The following ANO6 variants were observed in gnomAD, a reference collection of about 807,000 sequenced individuals.
ANO6 encodes anoctamin 6.
ANO6 carries 106 observed loss-of-function variants against 117.5 expected under a neutral mutation model. The observed-to-expected ratio is 0.90, with a 90% CI of 0.77 to 1.06. The LOEUF (loss-of-function observed/expected upper bound fraction) is 1.06. ANO6 is among the 50% of genes least tolerant of loss of function. The probability of loss-of-function intolerance (pLI) is 0.00; values close to 1 mark genes in which losing one functional copy is unlikely to be tolerated. For synonymous variants in ANO6, 367 were observed against 385.1 expected (o/e 0.95, Z 0.55); for missense variants, 955 against 1,121.1 (o/e 0.85, Z 2.12).
rs1941693315 is a variant in ANO6 at position 45,366,648 on chromosome 12, T to C, written c.999-1040T>C. The stretch of plus-strand genomic sequence containing the variant: ...TTTGTCTTCAGAAGTATTTTGACTG[T>C]TCTGAGCCTTTGCTTTTCCACTGAA... On this transcript the variant is annotated intron_variant, in intron 8 of 19. Transcript: ENST00000320560. 2.0e-5 allele frequency among the ~76,000 whole-genome samples: 3 copies of C among 152,338 alleles called. No individual in the cohort carries two copies. In the South Asian group the frequency reaches 6.2e-4, roughly 32 times the overall value.
At chr12:45,366,885 T>G (rs1025984390) in intron 8 of ANO6, among the ~76,000 whole-genome samples, 5 of 152,230 alleles carry the variant, frequency 3.3e-5, no homozygotes, top group Non-Finnish European at 7.3e-5. Flanking sequence ...TCCTAATGAT[T>G]ACAGGTGTAT....
At chr12:45,425,805 CAAG>C (rs1479556145) in intron 19 of ANO6, among the ~76,000 whole-genome samples, 1 of 152,110 alleles carries the variant, frequency 6.6e-6, no homozygotes, top group African/African-American at 2.4e-5. Context: ...TAAAATCAGA[CAAG>C]AAGAGAGAAA....
At chr12:45,336,273 A>T (rs937681156) in intron 3 of ANO6, among the ~76,000 whole-genome samples, 1 of 151,998 alleles carries the variant, frequency 6.6e-6, no homozygotes, top group African/African-American at 2.4e-5. Flanking sequence ...AGTCTTATGC[A>T]TATTAAGTAT....
chr12:45,222,938 A>G (rs1480416224), intron 1 of ANO6, among the ~76,000 whole-genome samples: 4 of 152,226 alleles, frequency 2.6e-5, no homozygotes, highest in Non-Finnish European at 5.9e-5. Context: ...TGGTTCAATC[A>G]TGACTATCCA....
At chr12:45,225,918 A>G (rs1297607283) in intron 1 of ANO6, among the ~76,000 whole-genome samples, 2 of 152,208 alleles carry the variant, frequency 1.3e-5, no homozygotes, top group Non-Finnish European at 2.9e-5. Flanking sequence ...GAAATGTACT[A>G]CTCAACTGAT....
intron 12 of ANO6, among the ~76,000 whole-genome samples, chr12:45,393,201 C>T (rs1366289911): frequency 1.3e-5 from 2 of 152,136 alleles, no homozygotes; most frequent in Non-Finnish European, 2.9e-5. Flanking sequence ...GTGTTGCATG[C>T]ACAAGCTTCA....
chr12:45,344,016 AGTGTCT>A (rs1198232018), intron 3 of ANO6, among the ~76,000 whole-genome samples: 1 of 152,048 alleles, frequency 6.6e-6, no homozygotes, highest in African/African-American at 2.4e-5. Context: ...CACGAAAAGG[AGTGTCT>A]GTGTTTTTAT....
At chr12:45,262,283 ACT>A (rs1451135050) in intron 1 of ANO6, among the ~76,000 whole-genome samples, 23 of 152,188 alleles carry the variant, frequency 1.5e-4, no homozygotes, top group African/African-American at 5.1e-4. Flanking sequence ...CCTCATAAGC[ACT>A]CTCTGTTTAT....
chr12:45,391,831 C>G (rs1942459723), intron 12 of ANO6, among the ~76,000 whole-genome samples: 1 of 152,142 alleles, frequency 6.6e-6, no homozygotes, highest in Admixed American at 6.5e-5. Context: ...TGCACTCCAG[C>G]CTGGGTGACA....
intron 1 of ANO6, among the ~76,000 whole-genome samples, chr12:45,247,700 T>G (rs892205467): frequency 6.6e-6 from 1 of 152,184 alleles, no homozygotes; most frequent in Non-Finnish European, 1.5e-5. Context: ...CCACTGTGTC[T>G]CTCTGTTTCC....
intron 12 of ANO6, among the ~76,000 whole-genome samples, chr12:45,397,442 G>C (rs985884598): frequency 3.3e-5 from 5 of 152,288 alleles, no homozygotes; most frequent in African/African-American, 9.6e-5. Context: ...CCTCAAGGAT[G>C]TAGAACTAGA....
At chr12:45,346,498 T>C (rs1466570047) in intron 3 of ANO6, among the ~76,000 whole-genome samples, 1 of 152,184 alleles carries the variant, frequency 6.6e-6, no homozygotes, top group Non-Finnish European at 1.5e-5. Flanking sequence ...AAAAAAATTA[T>C]CTGAATTTTG....
intron 10 of ANO6, among the ~76,000 whole-genome samples, chr12:45,386,843 C>T (rs889614217): frequency 2.4e-4 from 37 of 152,238 alleles, no homozygotes; most frequent in Non-Finnish European, 4.7e-4. Flanking sequence ...GTTCCACCCA[C>T]CACCACCTTC....
intron 2 of ANO6, among the ~76,000 whole-genome samples, chr12:45,326,315 G>C (rs920742475): frequency 6.6e-6 from 1 of 152,176 alleles, no homozygotes; most frequent in African/African-American, 2.4e-5. Flanking sequence ...TTCAGGACTA[G>C]TTATAGCCAT....
intron 7 of ANO6, among the ~76,000 whole-genome samples, chr12:45,352,107 A>G (rs1213647206): frequency 6.6e-6 from 1 of 152,070 alleles, no homozygotes; most frequent in Non-Finnish European, 1.5e-5. Flanking sequence ...TGGTGTCTCA[A>G]CACCCCATGC....
In ANO6 at chr12:45,350,919, G is replaced by T. The variant is rs1336761980; in HGVS notation, c.863+145G>T. ...AGCTTCGTTGGCCAGGGTTTTTATT[G>T]AGGCTTAATTATGTGGGCATGATTA... On this transcript the variant is annotated intron_variant, in intron 7 of 19. Transcript: ENST00000320560. The T allele has an allele frequency of 4.4e-6, 3 of 687,922 alleles. No individual in the cohort carries two copies. In the African/African-American group the frequency reaches 5.3e-5, roughly 12 times the overall value. The allele number at this position is 687,922 out of a possible 1,614,324, so 42.6% of individuals were successfully genotyped here. A position where few individuals can be genotyped will look rare whatever the true frequency, so the allele number is the denominator to read the frequency against.
chr12:45,403,313 T>C, intron 14 of ANO6, 72 bp downstream of exon 14: 6 of 1,561,474 alleles, frequency 3.8e-6, no homozygotes, highest in Non-Finnish European at 5.3e-6. Context: ...ATGAATAGTT[T>C]TTTATTGTAA....
exon 20 of ANO6, chr12:45,439,833 A>G: frequency 6.5e-7 from 1 of 1,540,242 alleles, no homozygotes; most frequent in South Asian, 1.2e-5. Flanking sequence ...TCTATTATAT[A>G]TTTTCTATTT....
chr12:45,421,386 G>C (rs1036738515), intron 18 of ANO6, 113 bp downstream of exon 18: 1 of 1,085,642 alleles, frequency 9.2e-7, no homozygotes, highest in African/African-American at 1.6e-5. Context: ...ATAACTTCAG[G>C]ATCAATCAGG....
Sources: gnomAD v4.1 joint callset for allele counts (sites outside exome capture counted in the v4.1 genomes callset) on GRCh38, gnomAD v4.1.1 for gene constraint, MANE v1.5 for transcripts, NCBI Gene and HGNC (gene_info 2026-07-23, HGNC 2026-07-21) for gene names.